The following ERBB4 variants were observed in gnomAD, a reference collection of about 807,000 sequenced individuals.
ERBB4 encodes erb-b2 receptor tyrosine kinase 4.
ERBB4 carries 42 observed loss-of-function variants against 158.0 expected under a neutral mutation model. The observed-to-expected ratio is 0.27, with a 90% confidence interval of 0.21 to 0.34. The LOEUF is 0.34. Ranked by LOEUF, ERBB4 falls within the 10% of genes least tolerant of loss-of-function variation. ERBB4 has a pLI of 1.00. For synonymous variants in ERBB4, 583 were observed against 558.7 expected (o/e 1.04, Z -0.61); for missense variants, 1,333 against 1,624.1 (o/e 0.82, Z 3.08).
intron 1 of ERBB4, among the ~76,000 whole-genome samples, chr2:212,414,753 T>A (rs1376542340): frequency 6.6e-6 from 1 of 152,192 alleles, no homozygotes; most frequent in African/African-American, 2.4e-5. Context: ...AGAAAGCATA[T>A]TGAATCGATT....
intron 20 of ERBB4, among the ~76,000 whole-genome samples, chr2:211,473,143 A>C (rs569043102): frequency 2.0e-5 from 3 of 152,090 alleles, no homozygotes; most frequent in East Asian, 3.9e-4. Context: ...AAGTATTCTC[A>C]TTATAGGAAG....
intron 12 of ERBB4, among the ~76,000 whole-genome samples, chr2:211,690,830 T>C (rs79716509): frequency 0.039 from 5,895 of 152,250 alleles, 364 homozygotes; most frequent in African/African-American, 0.13. Flanking sequence ...ATTATAAATC[T>C]CTCTAAAGAA....
At chr2:211,405,750 A>C (rs2063133413) in intron 25 of ERBB4, among the ~76,000 whole-genome samples, 1 of 152,320 alleles carries the variant, frequency 6.6e-6, no homozygotes, top group African/African-American at 2.4e-5. Context: ...GATGTCATGA[A>C]TCAAGAATAA....
intron 18 of ERBB4, among the ~76,000 whole-genome samples, chr2:211,622,903 C>T (rs2069657934): frequency 7.6e-6 from 1 of 130,846 alleles, no homozygotes; most frequent in Admixed American, 8.6e-5. Context: ...GAGGAGGTTG[C>T]AGTGAGTGGA....
At chr2:211,982,376 T>C (rs1256771410) in intron 2 of ERBB4, among the ~76,000 whole-genome samples, 1 of 151,990 alleles carries the variant, frequency 6.6e-6, no homozygotes, top group Non-Finnish European at 1.5e-5. Context: ...AACAGAGACC[T>C]GTAGAAAACA....
At chr2:211,592,121 G>A (rs1032907480) in intron 19 of ERBB4, among the ~76,000 whole-genome samples, 1 of 152,172 alleles carries the variant, frequency 6.6e-6, no homozygotes, top group Non-Finnish European at 1.5e-5. Flanking sequence ...AATGGTTACA[G>A]GGAAGTAAAC....
At chr2:212,058,466 A>C (rs2077651762) in intron 2 of ERBB4, among the ~76,000 whole-genome samples, 1 of 152,204 alleles carries the variant, frequency 6.6e-6, no homozygotes, top group Non-Finnish European at 1.5e-5. Context: ...CTGATACCAA[A>C]GCCTGATAGA....
chr2:212,451,032 T>A (rs2092438585), intron 1 of ERBB4, among the ~76,000 whole-genome samples: 2 of 152,144 alleles, frequency 1.3e-5, no homozygotes, highest in South Asian at 4.1e-4. Flanking sequence ...TTTTTTTATT[T>A]TTTTGTAAAG....
At chr2:211,512,694 C>G (rs560668914) in intron 20 of ERBB4, among the ~76,000 whole-genome samples, 1 of 152,018 alleles carries the variant, frequency 6.6e-6, no homozygotes, top group South Asian at 2.1e-4. Context: ...TTTTACAAAA[C>G]AGTTAAACTC....
At chr2:212,021,175 T>A (rs1364181338) in intron 2 of ERBB4, among the ~76,000 whole-genome samples, 1 of 152,142 alleles carries the variant, frequency 6.6e-6, no homozygotes, top group East Asian at 1.9e-4. Context: ...ATGATTTTGA[T>A]CTAGAAATAC....
intron 3 of ERBB4, among the ~76,000 whole-genome samples, chr2:211,906,857 T>C (rs2079405997): frequency 6.6e-6 from 1 of 151,596 alleles, no homozygotes; most frequent in Admixed American, 6.6e-5. Context: ...CATCTTGTCT[T>C]TTAATAAAAG....
chr2:212,229,727 GT>G (rs2105978635), intron 1 of ERBB4, among the ~76,000 whole-genome samples: 1 of 152,242 alleles, frequency 6.6e-6, no homozygotes, highest in South Asian at 2.1e-4. Flanking sequence ...ACAATAAGTG[GT>G]TCTGGAATAG....
chr2:211,959,162 T>A (rs966122901), intron 2 of ERBB4, among the ~76,000 whole-genome samples: 1 of 152,036 alleles, frequency 6.6e-6, no homozygotes, highest in Admixed American at 6.6e-5. Context: ...TCCAGCCAAT[T>A]ATCTATTCTA....
chr2:211,681,538 GT>G (rs1449114774), intron 12 of ERBB4, among the ~76,000 whole-genome samples: 2 of 152,180 alleles, frequency 1.3e-5, no homozygotes, highest in African/African-American at 4.8e-5. Context: ...GATGTGGTCA[GT>G]TTGTTCAATT....
intron 3 of ERBB4, among the ~76,000 whole-genome samples, chr2:211,803,248 T>C (rs1293368314): frequency 4.6e-5 from 7 of 152,198 alleles, no homozygotes; most frequent in Non-Finnish European, 1.0e-4. Flanking sequence ...AACATTATTA[T>C]TCATTTTCAA....
At position 212,538,600 on chromosome 2, in the gene ERBB4, G is replaced by A; in HGVS notation, c.-70C>T. 6.7e-7 allele frequency: 1 copy of A among 1,481,588 alleles called. No homozygotes were observed. 91.8% of individuals were successfully genotyped at this position (1,481,588 alleles called of 1,614,324 possible). A position where few individuals can be genotyped will look rare whatever the true frequency, so the allele number is the denominator to read the frequency against. On this transcript the variant is annotated 5_prime_UTR_variant, in exon 1 of 28. Transcript: ENST00000342788. ...TGGCATATCCCCCTTTCGGGCACGC[G>A]GAGGAGATCCCCCAGCCGGGCGCGC...
intron 20 of ERBB4, among the ~76,000 whole-genome samples, chr2:211,531,411 A>T (rs1367612240): frequency 6.6e-6 from 1 of 152,144 alleles, no homozygotes; most frequent in East Asian, 1.9e-4. Flanking sequence ...TTTGCAAACT[A>T]TCCATCTGAC....
At chr2:211,715,099 T>G (rs1208782235) in intron 7 of ERBB4, among the ~76,000 whole-genome samples, 1 of 152,242 alleles carries the variant, frequency 6.6e-6, no homozygotes, top group Admixed American at 6.5e-5. Flanking sequence ...ACGGGTATAA[T>G]TCTAGGTAGC....
At chr2:211,991,640 G>A (rs962255344) in intron 2 of ERBB4, among the ~76,000 whole-genome samples, 1 of 152,106 alleles carries the variant, frequency 6.6e-6, no homozygotes, top group Non-Finnish European at 1.5e-5. Flanking sequence ...AACGACTATT[G>A]TAAAAATGTT....
Sources: gnomAD v4.1 joint callset for allele counts (sites outside exome capture counted in the v4.1 genomes callset) on GRCh38, gnomAD v4.1.1 for gene constraint, MANE v1.5 for transcripts, NCBI Gene and HGNC (gene_info 2026-07-23, HGNC 2026-07-21) for gene names.